The following ANKS4B variants were observed in gnomAD, a reference collection of about 807,000 sequenced individuals.
ANKS4B encodes ankyrin repeat and sterile alpha motif domain containing 4B, also known as ankyrin repeat and SAM domain-containing protein 4B.
In ANKS4B, 21 loss-of-function variants were observed where a neutral mutation model predicts 20.2. That is an observed-to-expected ratio of 1.04 (90% CI 0.74 to 1.50). ANKS4B has a LOEUF of 1.50. ANKS4B is among the 40% of genes most tolerant of loss of function. The probability of loss-of-function intolerance (pLI) is 0.00; values close to 1 mark genes in which losing one functional copy is unlikely to be tolerated. For synonymous variants in ANKS4B, 179 were observed against 194.5 expected (o/e 0.92, Z 0.66); for missense variants, 473 against 494.6 (o/e 0.96, Z 0.41).
intron 1 of ANKS4B, among the ~76,000 whole-genome samples, chr16:21,246,707 G>C (rs2093332803): frequency 6.6e-6 from 1 of 152,158 alleles, no homozygotes; most frequent in South Asian, 2.1e-4. Context: ...TTGACTGGGA[G>C]ACCAGCCTGA....
Position 21,249,711 on chromosome 16 carries a change from TTTC to T in ANKS4B, c.165-18_165-16del. On this transcript the variant is annotated splice_polypyrimidine_tract_variant and intron_variant, in intron 1 of 1. Coordinates refer to ENST00000311620, the MANE Select transcript of ANKS4B (RefSeq NM_145865.3). ...GAAAAAAAGTCCAACATGTATTTTT[TTTC>T]TCTCTCTCTCTTCTAGAGGGGACCC... 1.3e-6 allele frequency: 2 copies of T among 1,555,610 alleles called. No individual in the cohort carries two copies. Among genetic ancestry groups the T allele is most frequent in the South Asian group, 1.2e-5 (1 of 84,124 alleles).
At chr16:21,235,947 T>G (rs2093319785) in intron 1 of ANKS4B, among the ~76,000 whole-genome samples, 1 of 152,242 alleles carries the variant, frequency 6.6e-6, no homozygotes, top group Non-Finnish European at 1.5e-5. Context: ...CTCCATCTAC[T>G]GAAAGTCTAC....
At chr16:21,248,910 ACT>A (rs2093335510) in intron 1 of ANKS4B, among the ~76,000 whole-genome samples, 1 of 151,916 alleles carries the variant, frequency 6.6e-6, no homozygotes, top group South Asian at 2.1e-4. Flanking sequence ...TCTCTTCCAA[ACT>A]CTGTCCAGTG....
intron 1 of ANKS4B, among the ~76,000 whole-genome samples, chr16:21,235,144 G>A (rs1415169919): frequency 2.6e-5 from 4 of 152,076 alleles, no homozygotes; most frequent in Non-Finnish European, 5.9e-5. Flanking sequence ...CACTGTGCCT[G>A]GCTCATCTAT....
chr16:21,235,928 C>T (rs993946063), intron 1 of ANKS4B, among the ~76,000 whole-genome samples: 4 of 152,156 alleles, frequency 2.6e-5, no homozygotes, highest in African/African-American at 9.7e-5. Flanking sequence ...CCTAGGGTTC[C>T]CCAGCTTTCT....
chr16:21,250,527 G>A lies in ANKS4B; in HGVS notation c.961G>A (p.Glu321Lys). The change falls in exon 2 of 2, where the codon GAG (glutamate) becomes AAG (lysine). Residue 321 changes from glutamate (E) to lysine (K), a missense_variant. Physicochemically the swap from Glu to Lys is moderately conservative, Grantham distance 56. Coordinates refer to ENST00000311620, the MANE Select transcript of ANKS4B (RefSeq NM_145865.3). ...ADEGAADEEG[E>K]ENGLKDDLPW... is the part of the protein sequence containing the mutation. ...TGAGGGTGCAGCTGATGAAGAGGGA[G>A]AGGAAAACGGCCTCAAAGATGATCT... is the stretch of plus-strand genomic sequence containing the variant. 6.2e-7 allele frequency: 1 copy of A among 1,614,196 alleles called. No homozygotes were observed. The highest frequency in any genetic ancestry group is 8.5e-7 in the Non-Finnish European group (1 of 1,180,036).
Position 21,251,699 on chromosome 16 carries a change from G to C in ANKS4B, c.*879G>C, listed in dbSNP as rs139657409. ...ACATGTTTACAAGTAATGGAAATGC[G>C]TCTATAATACTCCTGCCTGAGAATA... On this transcript the variant is annotated 3_prime_UTR_variant, in exon 2 of 2. Transcript: ENST00000311620. 1 of 152,170 alleles carries C rather than the reference G, an allele frequency of 6.6e-6. No individual in the cohort carries two copies. The highest frequency in any genetic ancestry group is 1.5e-5 in the Non-Finnish European group (1 of 68,048). 9.4% of individuals were successfully genotyped at this position (152,170 alleles called of 1,614,324 possible). A position where few individuals can be genotyped will look rare whatever the true frequency, so the allele number is the denominator to read the frequency against.
rs1410366247 is a variant in ANKS4B, at chr16:21,251,743, G to T, written c.*923G>T. 1 of 152,142 alleles carries T rather than the reference G, an allele frequency of 6.6e-6. No individual in the cohort carries two copies. The highest frequency in any genetic ancestry group is 1.9e-4 in the East Asian group (1 of 5,200). 9.4% of individuals were successfully genotyped at this position (152,142 alleles called of 1,614,324 possible). A position where few individuals can be genotyped will look rare whatever the true frequency, so the allele number is the denominator to read the frequency against. On this transcript the variant is annotated 3_prime_UTR_variant, in exon 2 of 2. Coordinates refer to ENST00000311620, the MANE Select transcript of ANKS4B (RefSeq NM_145865.3). Reference sequence around the variant, plus strand: ...GAGAATAGAGACAGAGTGGTGGTGGGGAGAGTGAAGAAAGAGATAGAATAC... The same window carrying T: ...GAGAATAGAGACAGAGTGGTGGTGGTGAGAGTGAAGAAAGAGATAGAATAC...
At position 21,251,089 on chromosome 16, in the gene ANKS4B, GTTGTT is replaced by G. The variant is rs759794962; in HGVS notation, c.*292_*296del. ...ATATGTACATATAATTGTTTTTGTGGTTGTTTTGTTTTGTTTTGTTTTGTTTTTTG... is the reference window on the plus strand; with the variant it reads ...ATATGTACATATAATTGTTTTTGTGGTTGTTTTGTTTTGTTTTGTTTTTTG... On this transcript the variant is annotated 3_prime_UTR_variant, in exon 2 of 2. Coordinates refer to ENST00000311620, the MANE Select transcript of ANKS4B (RefSeq NM_145865.3). 7.6e-4 allele frequency: 293 copies of G among 383,162 alleles called. No individual in the cohort carries two copies. The highest frequency in any genetic ancestry group is 2.6e-3 in the African/African-American group (131 of 50,104). 23.7% of individuals were successfully genotyped at this position (383,162 alleles called of 1,614,324 possible). A position where few individuals can be genotyped will look rare whatever the true frequency, so the allele number is the denominator to read the frequency against.
At chr16:21,247,676 A>G (rs942653200) in intron 1 of ANKS4B, among the ~76,000 whole-genome samples, 6 of 152,244 alleles carry the variant, frequency 3.9e-5, no homozygotes, top group Non-Finnish European at 5.9e-5. Context: ...TCTGGCCATC[A>G]TTAAAAATAG....
rs1442851829 is a variant in ANKS4B, at chr16:21,253,371, G to A, written c.*2551G>A. 3.9e-5 allele frequency: 6 copies of A among 152,182 alleles called. No individual in the cohort carries two copies. Among genetic ancestry groups the A allele is most frequent in the African/African-American group, 1.2e-4 (5 of 41,436 alleles). The allele number at this position is 152,182 out of a possible 1,614,324, so 9.4% of individuals were successfully genotyped here. On this transcript the variant is annotated 3_prime_UTR_variant, in exon 2 of 2. Transcript: ENST00000311620. ...AGCTTGTTAGCCATTGAATAAACAC[G>A]TTGCATTAGGGGATGATTGTTTACA...
At chr16:21,235,589 G>A (rs2093319415) in intron 1 of ANKS4B, among the ~76,000 whole-genome samples, 5 of 152,196 alleles carry the variant, frequency 3.3e-5, no homozygotes, top group African/African-American at 7.2e-5. Flanking sequence ...GACTAGGGTA[G>A]TGACATTGGG....
At position 21,233,911 on chromosome 16, in the gene ANKS4B, A is replaced by G; in HGVS notation, c.164+10A>G. 1.9e-6 allele frequency: 3 copies of G among 1,605,950 alleles called. No individual in the cohort carries two copies. The highest frequency in any genetic ancestry group is 2.6e-6 in the Non-Finnish European group (3 of 1,175,656). On this transcript the variant is annotated intron_variant, in intron 1 of 1. Transcript: ENST00000311620. The stretch of plus-strand genomic sequence containing the variant: ...TAATCTGCAGTAGAGGGTAAGTTCA[A>G]CCCGATGGTTTCTGTTGGAAACAGT...
chr16:21,244,287 G>T (rs868016933), intron 1 of ANKS4B, among the ~76,000 whole-genome samples: 14 of 152,210 alleles, frequency 9.2e-5, no homozygotes, highest in Middle Eastern at 3.4e-3. Context: ...AGAGGAGGGA[G>T]AGCATTAGGA....
intron 1 of ANKS4B, among the ~76,000 whole-genome samples, chr16:21,239,581 A>AAAAC (rs750443316): frequency 1.8e-4 from 28 of 152,294 alleles, no homozygotes; most frequent in Non-Finnish European, 2.6e-4. Flanking sequence ...TCCATCTCAA[A>AAAAC]AAACAAACAA....
At chr16:21,239,074 CA>C (rs751898009) in intron 1 of ANKS4B, 8 of 152,184 alleles carry the variant, frequency 5.3e-5, no homozygotes, top group Non-Finnish European at 1.2e-4. Context: ...CATCTCACAT[CA>C]GTCAGAATGG....
At chr16:21,246,615 A>C (rs1279731100) in intron 1 of ANKS4B, among the ~76,000 whole-genome samples, 1 of 152,186 alleles carries the variant, frequency 6.6e-6, no homozygotes, top group Non-Finnish European at 1.5e-5. Flanking sequence ...AAGTCCTAGA[A>C]AAATTAAACT....
rs143136036 is a variant in ANKS4B at position 21,240,672 on chromosome 16, A to G, written c.164+6771A>G. ...AAACACATGTACATTCTCTCCCTTT[A>G]AAAGACAATCATATAAACTATACTG... is the stretch of plus-strand genomic sequence containing the variant. On this transcript the variant is annotated intron_variant, in intron 1 of 1. Transcript: ENST00000311620. 3.5e-3 allele frequency among the ~76,000 whole-genome samples: 529 copies of G among 152,278 alleles called. 3 individuals are homozygous for G. The highest frequency in any genetic ancestry group is 5.4e-3 in the Non-Finnish European group (370 of 68,016).
intron 1 of ANKS4B, among the ~76,000 whole-genome samples, chr16:21,243,697 G>A (rs769285019): frequency 1.5e-4 from 23 of 151,934 alleles, no homozygotes; most frequent in Non-Finnish European, 2.1e-4. Flanking sequence ...TCAGCCTCCC[G>A]AGTAGCTGGG....
Sources: allele counts gnomAD v4.1 joint callset (sites outside exome capture counted in the v4.1 genomes callset), GRCh38; gene constraint gnomAD v4.1.1; transcripts MANE v1.5; gene names NCBI Gene and HGNC (gene_info 2026-07-23, HGNC 2026-07-21).